ELMO1: variants seen among roughly 807,000 people sequenced by gnomAD.
The protein encoded by ELMO1 is engulfment and cell motility 1, also known as engulfment and cell motility protein 1.
In ELMO1, 26 loss-of-function variants were observed where a neutral mutation model predicts 98.9. The ratio of observed to expected loss-of-function variants is 0.26; its 90% CI spans 0.19 to 0.36. The LOEUF (loss-of-function observed/expected upper bound fraction) is 0.36, where lower values mean the gene tolerates loss of function less well. Ranked by LOEUF, ELMO1 falls within the 10% of genes least tolerant of loss-of-function variation. ELMO1 has a pLI of 1.00. For missense variants in ELMO1, 627 were observed against 935.2 expected, an observed-to-expected ratio of 0.67 and a Z score of 4.30; for synonymous variants, 346 against 346.0, an observed-to-expected ratio of 1.00 and a Z score of 0.00.
At chr7:37,098,864 CAG>C (rs1251226212) in intron 14 of ELMO1, among the ~76,000 whole-genome samples, 2 of 152,180 alleles carry the variant, frequency 1.3e-5, no homozygotes, top group Admixed American at 6.5e-5. Flanking sequence ...AGCCAGAAGA[CAG>C]AACATAAAGA....
At chr7:37,140,378 T>A (rs550419279) in intron 13 of ELMO1, among the ~76,000 whole-genome samples, 1 of 150,028 alleles carries the variant, frequency 6.7e-6, no homozygotes, top group Admixed American at 6.6e-5. Flanking sequence ...AGAGTGAGAC[T>A]CCGTCTCAAA....
At chr7:37,209,399 C>T (rs940276082) in intron 13 of ELMO1, among the ~76,000 whole-genome samples, 3 of 152,108 alleles carry the variant, frequency 2.0e-5, no homozygotes, top group South Asian at 2.1e-4. Flanking sequence ...ACATGCATCC[C>T]GGAGGCAGCA....
chr7:37,236,935 A>T (rs1794499576), intron 7 of ELMO1, among the ~76,000 whole-genome samples: 1 of 152,244 alleles, frequency 6.6e-6, no homozygotes, highest in African/African-American at 2.4e-5. Flanking sequence ...AGTCAAGGCT[A>T]AAAGAATTAC....
At chr7:37,018,074 A>G (rs1425918182) in intron 15 of ELMO1, among the ~76,000 whole-genome samples, 1 of 152,208 alleles carries the variant, frequency 6.6e-6, no homozygotes, top group Non-Finnish European at 1.5e-5. Context: ...TAAAGTGTGC[A>G]GTAAAGTGCC....
At chr7:36,876,477 G>C (rs1803993216) in intron 19 of ELMO1, among the ~76,000 whole-genome samples, 2 of 151,122 alleles carry the variant, frequency 1.3e-5, no homozygotes, top group African/African-American at 4.9e-5. Context: ...AAAATTATTA[G>C]TGAAAGCCAC....
At chr7:36,920,473 A>T (rs1238251187) in intron 16 of ELMO1, among the ~76,000 whole-genome samples, 1 of 152,212 alleles carries the variant, frequency 6.6e-6, no homozygotes, top group African/African-American at 2.4e-5. Context: ...TGGTTCTTTA[A>T]AGTTAATCAC....
intron 1 of ELMO1, among the ~76,000 whole-genome samples, chr7:37,348,663 G>A (rs1801121469): frequency 6.6e-6 from 1 of 152,038 alleles, no homozygotes; most frequent in Non-Finnish European, 1.5e-5. Context: ...TCCGTAGGTT[G>A]GGTGGCATTT....
chr7:37,026,736 C>T (rs1270045763), intron 15 of ELMO1, among the ~76,000 whole-genome samples: 1 of 152,220 alleles, frequency 6.6e-6, no homozygotes, highest in Non-Finnish European at 1.5e-5. Flanking sequence ...CAGACCTCTG[C>T]TAATGGCACT....
At chr7:37,286,631 T>C (rs1562582915) in intron 4 of ELMO1, among the ~76,000 whole-genome samples, 1 of 151,792 alleles carries the variant, frequency 6.6e-6, no homozygotes, top group Non-Finnish European at 1.5e-5. Context: ...AGTACCACAC[T>C]CCAAAAGAAA....
intron 12 of ELMO1, 132 bp downstream of exon 12, chr7:37,213,203 G>C (rs1451475153): frequency 1.3e-5 from 16 of 1,227,900 alleles, no homozygotes; most frequent in Non-Finnish European, 1.8e-5. Context: ...ATGCCCCTAA[G>C]TTCTGAGATG....
At chr7:37,107,270 TTTCACAAGGA>T (rs1289403174) in intron 14 of ELMO1, among the ~76,000 whole-genome samples, 1 of 152,202 alleles carries the variant, frequency 6.6e-6, no homozygotes, top group African/African-American at 2.4e-5. Context: ...TGTTTGCATT[TTTCACAAGGA>T]AGTATCACTT....
chr7:37,169,521 C>G (rs1789998557), intron 13 of ELMO1, among the ~76,000 whole-genome samples: 1 of 152,180 alleles, frequency 6.6e-6, no homozygotes, highest in South Asian at 2.1e-4. Context: ...CCTGCCACTT[C>G]AAATGTTCAA....
intron 13 of ELMO1, among the ~76,000 whole-genome samples, chr7:37,141,084 A>C (rs1442677473): frequency 1.3e-5 from 2 of 152,234 alleles, no homozygotes; most frequent in African/African-American, 4.8e-5. Context: ...TTGCAAACAC[A>C]TGTATACAGC....
intron 4 of ELMO1, among the ~76,000 whole-genome samples, chr7:37,304,453 CG>C (rs1798501765): frequency 6.6e-6 from 1 of 152,164 alleles, no homozygotes; most frequent in Non-Finnish European, 1.5e-5. Context: ...CGGCGGCTCA[CG>C]CCTGTAATCC....
chr7:37,402,050 G>A (rs111979731), intron 1 of ELMO1, among the ~76,000 whole-genome samples: 5 of 152,246 alleles, frequency 3.3e-5, no homozygotes, highest in Admixed American at 2.0e-4. Flanking sequence ...CAGGTCTTTC[G>A]TTCCCTATGA....
At chr7:37,146,709 A>T (rs1169803873) in intron 13 of ELMO1, among the ~76,000 whole-genome samples, 1 of 152,192 alleles carries the variant, frequency 6.6e-6, no homozygotes, top group Non-Finnish European at 1.5e-5. Context: ...ATTAATAAGA[A>T]TCAATAGATT....
intron 1 of ELMO1, among the ~76,000 whole-genome samples, chr7:37,362,956 C>T (rs930584279): frequency 1.3e-5 from 2 of 152,264 alleles, no homozygotes. Flanking sequence ...TTTGGTAGAA[C>T]GTGTACTGAT....
At chr7:37,039,262 T>C (rs1795365124) in intron 15 of ELMO1, among the ~76,000 whole-genome samples, 1 of 152,128 alleles carries the variant, frequency 6.6e-6, no homozygotes, top group Non-Finnish European at 1.5e-5. Context: ...TGGTTTGAGG[T>C]CAACTGGTTT....
intron 13 of ELMO1, among the ~76,000 whole-genome samples, chr7:37,206,601 C>T (rs1007472017): frequency 6.6e-6 from 1 of 152,160 alleles, no homozygotes; most frequent in Non-Finnish European, 1.5e-5. Context: ...TGTAATTATA[C>T]TTGTGTAACT....
Sources: gnomAD v4.1 joint callset for allele counts (sites outside exome capture counted in the v4.1 genomes callset) on GRCh38, gnomAD v4.1.1 for gene constraint, MANE v1.5 for transcripts, NCBI Gene and HGNC (gene_info 2026-07-23, HGNC 2026-07-21) for gene names.